RRM2: variants seen among roughly 807,000 people sequenced by gnomAD.
RRM2 encodes the protein ribonucleoside-diphosphate reductase subunit M2.
A neutral mutation model predicts 45.9 loss-of-function variants in RRM2; 6 were observed. The observed-to-expected ratio is 0.13, with a 90% CI of 0.07 to 0.26. The LOEUF (loss-of-function observed/expected upper bound fraction) is 0.26, where lower values mean the gene tolerates loss of function less well. Among genes scored for constraint, RRM2 ranks in the 10% least tolerant of loss-of-function variants. The pLI, the probability that RRM2 is intolerant of heterozygous loss-of-function variation, is 1.00. For missense variants in RRM2, 343 were observed against 489.5 expected, an observed-to-expected ratio of 0.70 and a Z score of 2.82; for synonymous variants, 177 against 173.0, an observed-to-expected ratio of 1.02 and a Z score of -0.18.
At chr2:10,194,135 AAAG>A (rs1475452654) in intron 3 of RRM2, among the ~76,000 whole-genome samples, 3 of 152,248 alleles carry the variant, frequency 2.0e-5, no homozygotes, top group Non-Finnish European at 2.9e-5. Context: ...GTTGAAAGGA[AAAG>A]AAGATTTTAC....
In RRM2 at chr2:10,123,724, TC is replaced by T. The variant is rs778499413; in HGVS notation, c.319-10del. On this transcript the variant is annotated splice_polypyrimidine_tract_variant and intron_variant, in intron 3 of 9. Transcript: ENST00000304567. ...TTCCTTTTATGCTAAAATTGTGACT[TC>T]CGAACCTCAGGTGGACCTCTCCAAG... is the stretch of plus-strand genomic sequence containing the variant. 2 of 1,544,792 alleles carry T rather than the reference TC, an allele frequency of 1.3e-6. No individual in the cohort carries two copies. Among genetic ancestry groups the T allele is most frequent in the Middle Eastern group, 1.7e-4 (1 of 5,912 alleles).
intron 3 of RRM2, among the ~76,000 whole-genome samples, chr2:10,166,401 G>A (rs1268628462): frequency 6.6e-6 from 1 of 152,184 alleles, no homozygotes; most frequent in African/African-American, 2.4e-5. Context: ...TAGGTCAGCC[G>A]ACTGGCTTCT....
At chr2:10,138,167 A>G (rs1437555692), upstream of RRM2, among the ~76,000 whole-genome samples, 2 of 136,130 alleles carry the variant, frequency 1.5e-5, no homozygotes, top group African/African-American at 5.6e-5. Context: ...TGCCCGGCTA[A>G]TTTTTTTTTT....
chr2:10,160,223 T>G (rs1663527778), intron 3 of RRM2, among the ~76,000 whole-genome samples: 1 of 152,218 alleles, frequency 6.6e-6, no homozygotes, highest in Admixed American at 6.5e-5. Context: ...CTGATTGTCC[T>G]GTGCTAGCTT....
Position 10,172,500 on chromosome 2 carries a change from G to A in RRM2, n.482+30125G>A, listed in dbSNP as rs1035002783. The stretch of plus-strand genomic sequence containing the variant: ...TTTTGTTTTTAGTTCAATTTTGTGA[G>A]CAGAATGCTCCTGGGGCCAATAGAT... On this transcript the variant is annotated intron_variant and non_coding_transcript_variant, in intron 3 of 3. Transcript: ENST00000381786. This position sits in a 1 kb window ranked among gnomAD's most constrained non-coding sequence, Gnocchi z 4.9. Among the ~76,000 whole-genome samples the A allele has an allele frequency of 6.6e-6, 1 of 152,174 alleles. No individual in the cohort carries two copies. The highest frequency in any genetic ancestry group is 1.5e-5 in the Non-Finnish European group (1 of 68,030).
chr2:10,162,177 A>T (rs1663575044), intron 3 of RRM2, among the ~76,000 whole-genome samples: 1 of 152,158 alleles, frequency 6.6e-6, no homozygotes, highest in South Asian at 2.1e-4. Context: ...AGTGCACGGG[A>T]TGCCCGGGTG....
At chr2:10,153,766 G>A (rs1227240563) in intron 3 of RRM2, among the ~76,000 whole-genome samples, 1 of 152,154 alleles carries the variant, frequency 6.6e-6, no homozygotes, top group South Asian at 2.1e-4. Flanking sequence ...AAAGCACTGA[G>A]AACTTTTTCT....
At chr2:10,198,851 G>A (rs1572533026) in intron 3 of RRM2, 1 of 152,164 alleles carries the variant, frequency 6.6e-6, no homozygotes, top group African/African-American at 2.4e-5. Flanking sequence ...TTCGGGGTAG[G>A]AATGTTTCTG....
rs1664633487 is a variant in RRM2 at position 10,204,801 on chromosome 2, T to G, written n.483-5510T>G. ...CAGGGTCCCTTTTCCTCTTCCAAGA[T>G]GGGTGGCACTGAACGCCGAGGCCAC... On this transcript the variant is annotated intron_variant and non_coding_transcript_variant, in intron 3 of 3. Coordinates refer to the RRM2 transcript ENST00000381786. The surrounding 1 kb of genome is among the most constrained non-coding windows in gnomAD (Gnocchi z 4.0). 6.6e-6 allele frequency among the ~76,000 whole-genome samples: 1 copy of G among 152,230 alleles called. No individual in the cohort carries two copies. The highest frequency in any genetic ancestry group is 2.1e-4 in the South Asian group (1 of 4,836).
In RRM2 at chr2:10,127,393, T is replaced by A. The variant is rs1171673937; in HGVS notation, c.798+173T>A. 4.7e-6 allele frequency: 3 copies of A among 644,270 alleles called. No individual in the cohort carries two copies. The highest frequency in any genetic ancestry group is 7.9e-6 in the Non-Finnish European group (3 of 379,192). The allele number at this position is 644,270 out of a possible 1,614,324, so 39.9% of individuals were successfully genotyped here. ...AGGAAATACTTTCATTTACTGAAAC[T>A]GTTTTACTTGCATTCTCAATATATT... On this transcript the variant is annotated intron_variant, in intron 7 of 9. Coordinates refer to ENST00000304567, the MANE Select transcript of RRM2 (RefSeq NM_001034.4). The surrounding 1 kb of genome is among the most constrained non-coding windows in gnomAD (Gnocchi z 4.1).
chr2:10,180,464 C>T (rs539112374), intron 3 of RRM2, among the ~76,000 whole-genome samples: 2 of 152,330 alleles, frequency 1.3e-5, no homozygotes, highest in South Asian at 2.1e-4. Context: ...ATGAAGGCTG[C>T]GGGCCAGGCC....
chr2:10,132,467 C>T (rs1217733017), downstream of RRM2, among the ~76,000 whole-genome samples: 1 of 152,132 alleles, frequency 6.6e-6, no homozygotes, highest in East Asian at 1.9e-4. Context: ...GGTTGTGCTG[C>T]TTCCGACTCC....
At chr2:10,150,893 A>G (rs1484841677) in intron 3 of RRM2, among the ~76,000 whole-genome samples, 2 of 150,018 alleles carry the variant, frequency 1.3e-5, no homozygotes, top group Non-Finnish European at 2.9e-5. Flanking sequence ...GGCTCACTGC[A>G]ACCTCCACCT....
upstream of RRM2, chr2:10,122,697 C>A (rs1227480017): frequency 6.4e-7 from 1 of 1,550,710 alleles, no homozygotes; most frequent in Admixed American, 2.0e-5. Flanking sequence ...CGGGAGCGCG[C>A]GGCGCGGGAG....
At chr2:10,151,803 G>C (rs1446947384) in intron 3 of RRM2, among the ~76,000 whole-genome samples, 1 of 152,194 alleles carries the variant, frequency 6.6e-6, no homozygotes, top group African/African-American at 2.4e-5. Context: ...AGCCCTCCGA[G>C]TGGGTGTCTA....
chr2:10,134,144 T>C (rs530865583), downstream of RRM2, among the ~76,000 whole-genome samples: 32 of 129,182 alleles, frequency 2.5e-4, 1 homozygote, highest in South Asian at 7.5e-3. Flanking sequence ...CACTCCAGCC[T>C]GGGCGACAAG....
chr2:10,128,985 T>C, intron 8 of RRM2, 33 bp downstream of exon 8: 1 of 1,610,378 alleles, frequency 6.2e-7, no homozygotes, highest in Non-Finnish European at 8.5e-7. Flanking sequence ...TCACTCAAGC[T>C]TGCTAGAAAA....
intron 3 of RRM2, among the ~76,000 whole-genome samples, chr2:10,154,691 C>CT (rs70948874): frequency 0.62 from 59,344 of 95,796 alleles, 19,770 homozygotes; most frequent in African/African-American, 0.73. Flanking sequence ...AGTCCTGATT[C>CT]TTTTTTTTTT....
At chr2:10,194,875 T>A (rs1664381263) in intron 3 of RRM2, among the ~76,000 whole-genome samples, 1 of 152,214 alleles carries the variant, frequency 6.6e-6, no homozygotes, top group Non-Finnish European at 1.5e-5. Flanking sequence ...GTGGGAAACA[T>A]GCGAGTTCCA....
Sources: allele counts gnomAD v4.1 joint callset (sites outside exome capture counted in the v4.1 genomes callset), GRCh38; gene constraint gnomAD v4.1.1; non-coding constraint Gnocchi (gnomAD v3.1); transcripts MANE v1.5; gene names NCBI Gene and HGNC (gene_info 2026-07-23, HGNC 2026-07-21).